The following SNRNP48 variants were observed in gnomAD, a reference collection of about 807,000 sequenced individuals.
SNRNP48 encodes the protein small nuclear ribonucleoprotein U11/U12 subunit 48.
A neutral mutation model predicts 47.0 loss-of-function variants in SNRNP48; 43 were observed. That is an observed-to-expected ratio of 0.92 (90% CI 0.72 to 1.18). The LOEUF (loss-of-function observed/expected upper bound fraction) is 1.18. Ranked by LOEUF, SNRNP48 falls within the 50% of genes most tolerant of loss-of-function variation. The pLI, the probability that SNRNP48 is intolerant of heterozygous loss-of-function variation, is 0.00. For synonymous variants in SNRNP48, 138 were observed against 144.0 expected (o/e 0.96, Z 0.30); for missense variants, 396 against 422.2 (o/e 0.94, Z 0.54).
In SNRNP48 at chr6:7,609,973, C is replaced by A. The variant is rs370990360; in HGVS notation, c.*1100C>A. The A allele has an allele frequency of 6.6e-6, 1 of 152,120 alleles. No homozygotes were observed. Among genetic ancestry groups the A allele is most frequent in the African/African-American group, 2.4e-5 (1 of 41,416 alleles). The allele number at this position is 152,120 out of a possible 1,614,324, so 9.4% of individuals were successfully genotyped here. A position where few individuals can be genotyped will look rare whatever the true frequency, so the allele number is the denominator to read the frequency against. ...ATTTGCTTTTGGTTACCGATTAGAT[C>A]TATCCATTGTAGAATTCATGTAAAT... On this transcript the variant is annotated 3_prime_UTR_variant, in exon 9 of 9. Transcript: ENST00000342415.
rs1450474934 is a variant in SNRNP48, at chr6:7,590,209, C to A, written c.-49C>A. 2.4e-6 allele frequency: 3 copies of A among 1,266,960 alleles called. No individual in the cohort carries two copies. Among genetic ancestry groups the A allele is most frequent in the Non-Finnish European group, 3.0e-6 (3 of 998,614 alleles). 78.5% of individuals were successfully genotyped at this position (1,266,960 alleles called of 1,614,324 possible). ...CGCCCACAGCTCCCAGAGGCCTGCG[C>A]GTGCGGTCTGCAGTTCGGCCGCTTC... On this transcript the variant is annotated 5_prime_UTR_variant, in exon 1 of 9. Coordinates refer to ENST00000342415, the MANE Select transcript of SNRNP48 (RefSeq NM_152551.4).
chr6:7,596,182 C>T (rs1483930161), intron 4 of SNRNP48, among the ~76,000 whole-genome samples: 1 of 151,994 alleles, frequency 6.6e-6, no homozygotes. Flanking sequence ...GGAAGAATTG[C>T]TTGAACCCAG....
chr6:7,597,700 A>G (rs937266797), intron 4 of SNRNP48, among the ~76,000 whole-genome samples: 7 of 152,166 alleles, frequency 4.6e-5, no homozygotes, highest in Admixed American at 1.3e-4. Flanking sequence ...TTTTTATAAT[A>G]GTAATAAGGG....
chr6:7,595,843 T>C (rs1157244202), intron 4 of SNRNP48, among the ~76,000 whole-genome samples: 2 of 152,220 alleles, frequency 1.3e-5, no homozygotes, highest in Non-Finnish European at 2.9e-5. Flanking sequence ...TTCATATTAA[T>C]AGATCCTTTC....
intron 6 of SNRNP48, among the ~76,000 whole-genome samples, chr6:7,604,872 G>T (rs886257957): frequency 6.6e-6 from 1 of 152,010 alleles, no homozygotes; most frequent in Non-Finnish European, 1.5e-5. Flanking sequence ...TAATTATAAG[G>T]TTTTAAAAAA....
At chr6:7,590,825 A>C (rs918780501) in intron 1 of SNRNP48, among the ~76,000 whole-genome samples, 3 of 152,138 alleles carry the variant, frequency 2.0e-5, no homozygotes, top group Non-Finnish European at 4.4e-5. Context: ...CAAAAGTACA[A>C]AAATTAGCCG....
At position 7,610,872 on chromosome 6, in the gene SNRNP48, G is replaced by T. The variant is rs933694986; in HGVS notation, c.*1999G>T. 6.9e-6 allele frequency: 1 copy of T among 144,722 alleles called. No individual in the cohort carries two copies. The highest frequency in any genetic ancestry group is 2.6e-5 in the African/African-American group (1 of 37,924). The allele number at this position is 144,722 out of a possible 1,614,324, so 9.0% of individuals were successfully genotyped here. On this transcript the variant is annotated 3_prime_UTR_variant, in exon 9 of 9. Coordinates refer to ENST00000342415, the MANE Select transcript of SNRNP48 (RefSeq NM_152551.4). ...CTGGATGTGAGCTACTTGAGAGCAG[G>T]GTTTATGCCTTCATCAGCGTGACCC...
intron 8 of SNRNP48, among the ~76,000 whole-genome samples, chr6:7,608,594 G>A (rs926305729): frequency 3.3e-5 from 5 of 152,000 alleles, no homozygotes; most frequent in African/African-American, 4.8e-5. Context: ...ACTAAGAGAC[G>A]AAACTGAAAT....
intron 4 of SNRNP48, chr6:7,601,131 T>C (rs1760011017): frequency 5.2e-5 from 1 of 19,182 alleles, no homozygotes; most frequent in African/African-American, 5.9e-4. Context: ...CCATAATACA[T>C]TTTTTTTTTT....
At chr6:7,608,769 C>T in intron 8 of SNRNP48, 56 bp from the exon 9 acceptor site, 2 of 946,672 alleles carry the variant, frequency 2.1e-6, no homozygotes, top group Non-Finnish European at 3.1e-6. Flanking sequence ...TTTTAAAGCT[C>T]TGATATTAAA....
At chr6:7,597,865 CTTTTTTTTTT>C (rs148304945) in intron 4 of SNRNP48, among the ~76,000 whole-genome samples, 1 of 123,408 alleles carries the variant, frequency 8.1e-6, no homozygotes, top group African/African-American at 3.1e-5. Context: ...TAACCGTAAC[CTTTTTTTTTT>C]TTTTTTTTGA....
At chr6:7,593,924 C>A (rs1759861374) in intron 2 of SNRNP48, 77 bp downstream of exon 2, 6 of 1,177,832 alleles carry the variant, frequency 5.1e-6, no homozygotes, top group Non-Finnish European at 5.9e-6. Context: ...TTGGAAGTTA[C>A]AATGTGAGGT....
rs1759880561 is a variant in SNRNP48 at position 7,595,082 on chromosome 6, C to T, written c.387C>T (p.Asp129=). 1.3e-6 allele frequency: 2 copies of T among 1,594,702 alleles called. No homozygotes were observed. The highest frequency in any genetic ancestry group is 2.3e-5 in the East Asian group (1 of 43,664). ...AAGCTAGAACTGCAGTTGGGAAAGA[C>T]AGTGATTGTTATAATCAAAGTAAGT... The part of the protein sequence containing the change: ...IKQARTAVGK[D]SDCYNQRIYS... Residue 129 remains aspartate, a synonymous_variant, in exon 4 of 9, where the codon GAC becomes GAT. Coordinates refer to ENST00000342415, the MANE Select transcript of SNRNP48 (RefSeq NM_152551.4).
chr6:7,603,861 C>T (rs1265102621), intron 6 of SNRNP48, among the ~76,000 whole-genome samples: 2 of 152,226 alleles, frequency 1.3e-5, no homozygotes, highest in African/African-American at 2.4e-5. Flanking sequence ...CTTCTCTCGT[C>T]TCATAACCCT....
At chr6:7,599,998 T>C in intron 4 of SNRNP48, 1 of 998,366 alleles carries the variant, frequency 1.0e-6, no homozygotes, top group Non-Finnish European at 1.2e-6. Context: ...TATTTTCTAA[T>C]CTGTGTTTTC....
In SNRNP48 at chr6:7,590,381, A is replaced by G; in HGVS notation, c.124A>G (p.Ser42Gly). The change falls in exon 1 of 9, where the codon AGT (serine) becomes GGT (glycine). Residue 42 changes from serine (S) to glycine (G), a missense_variant. By Grantham distance (56) the Ser-to-Gly change is moderately conservative. Coordinates refer to ENST00000342415, the MANE Select transcript of SNRNP48 (RefSeq NM_152551.4). ...CGCGTCCCTGGGCTGGGACCTAGAT[A>G]GTCTGGATCCCGGGGAAGAGGAGGC... ...VTASLGWDLD[S>G]LDPGEEEAAE... is the part of the protein sequence containing the mutation. The G allele has an allele frequency of 7.4e-7, 1 of 1,352,320 alleles. No homozygotes were observed. The highest frequency in any genetic ancestry group is 9.6e-7 in the Non-Finnish European group (1 of 1,040,494). The allele number at this position is 1,352,320 out of a possible 1,614,324, so 83.8% of individuals were successfully genotyped here. A position where few individuals can be genotyped will look rare whatever the true frequency, so the allele number is the denominator to read the frequency against.
At chr6:7,596,373 C>T (rs1759904950) in intron 4 of SNRNP48, among the ~76,000 whole-genome samples, 1 of 152,180 alleles carries the variant, frequency 6.6e-6, no homozygotes, top group Non-Finnish European at 1.5e-5. Context: ...GTAAGGATTT[C>T]TGCATTGTCT....
At chr6:7,591,405 C>G (rs887253241) in intron 1 of SNRNP48, among the ~76,000 whole-genome samples, 1 of 152,130 alleles carries the variant, frequency 6.6e-6, no homozygotes, top group Non-Finnish European at 1.5e-5. Flanking sequence ...AATTCATTAT[C>G]TTTACTATTA....
intron 4 of SNRNP48, among the ~76,000 whole-genome samples, chr6:7,597,384 A>G (rs1267229321): frequency 1.3e-5 from 2 of 152,240 alleles, no homozygotes; most frequent in Admixed American, 1.3e-4. Context: ...CTGCATACTA[A>G]TCGTGACTAT....
Sources: gnomAD v4.1 joint callset for allele counts (sites outside exome capture counted in the v4.1 genomes callset) on GRCh38, gnomAD v4.1.1 for gene constraint, MANE v1.5 for transcripts, NCBI Gene and HGNC (gene_info 2026-07-23, HGNC 2026-07-21) for gene names.